The following PRKG1 variants were observed in gnomAD, a reference collection of about 807,000 sequenced individuals.
The protein encoded by PRKG1 is protein kinase cGMP-dependent 1.
A neutral mutation model predicts 88.1 loss-of-function variants in PRKG1; 35 were observed. The ratio of observed to expected loss-of-function variants is 0.40; its 90% confidence interval spans 0.30 to 0.53. The LOEUF is 0.53. Among genes scored for constraint, PRKG1 ranks in the 20% least tolerant of loss-of-function variants. PRKG1 has a pLI of 0.59. For missense variants in PRKG1, 540 were observed against 839.8 expected, an observed-to-expected ratio of 0.64 and a Z score of 4.41; for synonymous variants, 303 against 292.5, an observed-to-expected ratio of 1.04 and a Z score of -0.37.
intron 1 of PRKG1, among the ~76,000 whole-genome samples, chr10:51,052,843 A>T (rs1843580501): frequency 6.6e-6 from 1 of 152,232 alleles, no homozygotes; most frequent in Admixed American, 6.5e-5. Context: ...GCGTTTTTCT[A>T]TATAAAGGGT....
chr10:52,079,913 C>A lies in PRKG1; in HGVS notation c.935+17282C>A, dbSNP rs370409495. ...AGTCTTGCTGTAGGCCCCATACATG[C>A]TAATAAGTGCTAGGGCAGGCTGTCC... On this transcript the variant is annotated intron_variant, in intron 7 of 17. Transcript: ENST00000373980. Among the ~76,000 whole-genome samples, 26 of 152,244 alleles carry A rather than the reference C, an allele frequency of 1.7e-4. No homozygotes were observed. The East Asian group carries it at 4.8e-3, about 28-fold the overall frequency.
In PRKG1 at chr10:52,109,604, T is replaced by C. The variant is rs184267205; in HGVS notation, c.936-24236T>C. ...CAACATAGTGACACCCCATCCCTAC[T>C]AAAAATACAAAAATTAGCTGGGAGT... On this transcript the variant is annotated intron_variant, in intron 7 of 17. Transcript: ENST00000373980. 6.0e-5 allele frequency among the ~76,000 whole-genome samples: 9 copies of C among 151,232 alleles called. No homozygotes were observed. The East Asian group carries it at 1.8e-3, about 30-fold the overall frequency.
rs754691999 is a variant in PRKG1, at chr10:52,297,876, T to C, written c.*3976T>C. 1 of 152,138 alleles carries C rather than the reference T, an allele frequency of 6.6e-6. No homozygotes were observed. The highest frequency in any genetic ancestry group is 1.5e-5 in the Non-Finnish European group (1 of 68,028). 9.4% of individuals were successfully genotyped at this position (152,138 alleles called of 1,614,324 possible). A position where few individuals can be genotyped will look rare whatever the true frequency, so the allele number is the denominator to read the frequency against. ...ACAGGATGCTTTTTCCGAGTTCTTGTATATGCAAATCATTTACGAGGCAAG... is the reference window on the plus strand; with the variant it reads ...ACAGGATGCTTTTTCCGAGTTCTTGCATATGCAAATCATTTACGAGGCAAG... On this transcript the variant is annotated 3_prime_UTR_variant, in exon 18 of 18. Coordinates refer to ENST00000373980, the MANE Select transcript of PRKG1 (RefSeq NM_006258.4).
intron 2 of PRKG1, among the ~76,000 whole-genome samples, chr10:51,418,892 C>T (rs1367618782): frequency 6.6e-6 from 1 of 152,094 alleles, no homozygotes; most frequent in Non-Finnish European, 1.5e-5. Context: ...TCCATGCATA[C>T]ATTATGGGAA....
chr10:51,120,315 C>T (rs997459731), intron 1 of PRKG1, among the ~76,000 whole-genome samples: 4 of 151,948 alleles, frequency 2.6e-5, no homozygotes, highest in African/African-American at 7.2e-5. Context: ...TTGTTGATTC[C>T]GATTTTTCTG....
chr10:52,029,913 CTGATA>C (rs1845436686), intron 5 of PRKG1, among the ~76,000 whole-genome samples: 1 of 152,138 alleles, frequency 6.6e-6, no homozygotes, highest in African/African-American at 2.4e-5. Flanking sequence ...CCTGACCTTC[CTGATA>C]TATCATCTCA....
chr10:51,549,416 C>T (rs1034340496), intron 3 of PRKG1, among the ~76,000 whole-genome samples: 1 of 151,986 alleles, frequency 6.6e-6, no homozygotes, highest in African/African-American at 2.4e-5. Context: ...GACACCCTGC[C>T]TAAACTAATA....
intron 2 of PRKG1, among the ~76,000 whole-genome samples, chr10:51,404,792 C>T (rs986791788): frequency 3.3e-5 from 5 of 152,102 alleles, no homozygotes; most frequent in Non-Finnish European, 7.4e-5. Flanking sequence ...CATTTTTGGC[C>T]ATGGAGAGCA....
At chr10:51,388,547 G>A (rs1379493493) in intron 2 of PRKG1, among the ~76,000 whole-genome samples, 1 of 152,124 alleles carries the variant, frequency 6.6e-6, no homozygotes, top group Non-Finnish European at 1.5e-5. Context: ...AATCTGGAGG[G>A]AAATATTAGC....
At chr10:51,954,489 A>T (rs1329123573) in intron 5 of PRKG1, among the ~76,000 whole-genome samples, 1 of 152,204 alleles carries the variant, frequency 6.6e-6, no homozygotes, top group Non-Finnish European at 1.5e-5. Context: ...TCCTATAAGA[A>T]ACTCTATATT....
chr10:51,056,795 C>A (rs2132777169), intron 1 of PRKG1, among the ~76,000 whole-genome samples: 1 of 152,148 alleles, frequency 6.6e-6, no homozygotes, highest in Middle Eastern at 3.4e-3. Flanking sequence ...CCTTTCTGCT[C>A]TCTTCCAACA....
At chr10:52,062,091 C>A (rs77974561) in intron 6 of PRKG1, among the ~76,000 whole-genome samples, 7,880 of 151,930 alleles carry the variant, frequency 0.052, 200 homozygotes, top group African/African-American at 0.061. Context: ...TACCTAAGAA[C>A]ATGGAATAAA....
intron 5 of PRKG1, among the ~76,000 whole-genome samples, chr10:52,026,715 GC>G (rs1249751009): frequency 2.0e-5 from 3 of 152,188 alleles, no homozygotes; most frequent in Non-Finnish European, 4.4e-5. Context: ...GGTGGCTCAC[GC>G]CTGTAATCCC....
intron 3 of PRKG1, among the ~76,000 whole-genome samples, chr10:51,471,669 A>T (rs554474877): frequency 6.6e-6 from 1 of 151,928 alleles, no homozygotes; most frequent in Non-Finnish European, 1.5e-5. Context: ...TCAGTGACAC[A>T]TGTTGAACTC....
chr10:52,284,437 C>A (rs528874289), intron 14 of PRKG1, among the ~76,000 whole-genome samples: 2 of 121,738 alleles, frequency 1.6e-5, no homozygotes, highest in Admixed American at 1.0e-4. Context: ...TTAAAAAAAT[C>A]TTTACTTTTC....
chr10:52,263,320 A>T (rs1330737672), intron 10 of PRKG1, among the ~76,000 whole-genome samples: 1 of 152,110 alleles, frequency 6.6e-6, no homozygotes. Flanking sequence ...TAAATGAAAC[A>T]TGTAGCTACC....
At chr10:51,794,734 C>T (rs1838966468) in intron 3 of PRKG1, among the ~76,000 whole-genome samples, 1 of 151,490 alleles carries the variant, frequency 6.6e-6, no homozygotes, top group African/African-American at 2.4e-5. Context: ...ATGTGGTACA[C>T]AGTAAATATG....
At chr10:51,576,206 C>T (rs1837881058) in intron 3 of PRKG1, among the ~76,000 whole-genome samples, 2 of 151,922 alleles carry the variant, frequency 1.3e-5, no homozygotes, top group South Asian at 2.1e-4. Context: ...TGATTCTCAA[C>T]CACTATATTA....
At chr10:51,205,187 G>A (rs1194456548) in intron 2 of PRKG1, among the ~76,000 whole-genome samples, 1 of 115,370 alleles carries the variant, frequency 8.7e-6, no homozygotes, top group Non-Finnish European at 1.7e-5. Flanking sequence ...TTGCCCAGGC[G>A]GGAGTGCAGT....
Sources: gnomAD v4.1 joint callset for allele counts (sites outside exome capture counted in the v4.1 genomes callset) on GRCh38, gnomAD v4.1.1 for gene constraint, MANE v1.5 for transcripts, NCBI Gene and HGNC (gene_info 2026-07-23, HGNC 2026-07-21) for gene names.